Variants in LRRC4C observed in about 807,000 individuals in gnomAD.
LRRC4C encodes the protein leucine-rich repeat-containing protein 4C.
A neutral mutation model predicts 33.6 loss-of-function variants in LRRC4C; 5 were observed. The observed-to-expected ratio is 0.15, with a 90% CI of 0.08 to 0.31. The LOEUF is 0.31. Ranked by LOEUF, LRRC4C falls within the 10% of genes least tolerant of loss-of-function variation. The pLI, the probability that LRRC4C is intolerant of heterozygous loss-of-function variation, is 1.00. For synonymous variants in LRRC4C, 329 were observed against 302.0 expected, an observed-to-expected ratio of 1.09 and a Z score of -0.93; for missense variants, 560 against 796.7, an observed-to-expected ratio of 0.70 and a Z score of 3.58.
At chr11:40,220,013 T>A (rs1864287329) in intron 5 of LRRC4C, among the ~76,000 whole-genome samples, 1 of 152,192 alleles carries the variant, frequency 6.6e-6, no homozygotes, top group Admixed American at 6.6e-5. Flanking sequence ...CTAAGTTAAA[T>A]ATACACAGTG....
At chr11:40,994,434 T>G (rs2137291532) in intron 1 of LRRC4C, among the ~76,000 whole-genome samples, 1 of 152,266 alleles carries the variant, frequency 6.6e-6, no homozygotes, top group South Asian at 2.1e-4. Flanking sequence ...GGAGCTTCAC[T>G]CTGCTAGAGA....
intron 5 of LRRC4C, among the ~76,000 whole-genome samples, chr11:40,169,152 T>A (rs1859840614): frequency 1.3e-5 from 2 of 152,172 alleles, no homozygotes; most frequent in Admixed American, 1.3e-4. Context: ...GTTCTAAGAA[T>A]ATATATTATT....
intron 1 of LRRC4C, among the ~76,000 whole-genome samples, chr11:41,033,669 C>G (rs1033549937): frequency 2.6e-5 from 4 of 152,010 alleles, no homozygotes; most frequent in Non-Finnish European, 5.9e-5. Context: ...TGTTTTAAGA[C>G]CCGGGGAAGC....
intron 3 of LRRC4C, among the ~76,000 whole-genome samples, chr11:40,618,529 A>G (rs545666316): frequency 4.6e-5 from 7 of 151,850 alleles, no homozygotes; most frequent in Non-Finnish European, 3.0e-5. Context: ...AAAAACTAAT[A>G]TACTATGCAA....
At chr11:40,393,050 A>G (rs1176744906) in intron 3 of LRRC4C, among the ~76,000 whole-genome samples, 2 of 152,138 alleles carry the variant, frequency 1.3e-5, no homozygotes, top group Non-Finnish European at 2.9e-5. Flanking sequence ...AGCAGAGCAA[A>G]AAGCCCTCAG....
At chr11:41,299,561 T>C (rs1950230629) in intron 1 of LRRC4C, among the ~76,000 whole-genome samples, 1 of 152,118 alleles carries the variant, frequency 6.6e-6, no homozygotes, top group Non-Finnish European at 1.5e-5. Flanking sequence ...TATAAATACA[T>C]GAATGGGAAA....
rs563463512 is a variant in LRRC4C, at chr11:40,674,628, T to C, written c.-406-26350A>G. ...GTTTTAGGTACTATTATAATACTGG[T>C]TTATAAATCATATGCCTTCTTATTT... On this transcript the variant is annotated intron_variant, in intron 2 of 6. Coordinates refer to ENST00000528697, the MANE Select transcript of LRRC4C (RefSeq NM_001258419.2). Among the ~76,000 whole-genome samples, 9 of 152,280 alleles carry C rather than the reference T, an allele frequency of 5.9e-5. No individual in the cohort carries two copies. In the South Asian group the frequency reaches 1.9e-3, roughly 32 times the overall value.
intron 2 of LRRC4C, among the ~76,000 whole-genome samples, chr11:40,780,743 A>T (rs113043724): frequency 1.3e-5 from 2 of 151,802 alleles, no homozygotes; most frequent in African/African-American, 4.8e-5. Flanking sequence ...GTAAAATAAC[A>T]CTCCATGAAT....
chr11:40,196,975 A>C (rs1477362819), intron 5 of LRRC4C, among the ~76,000 whole-genome samples: 2 of 152,198 alleles, frequency 1.3e-5, no homozygotes, highest in Non-Finnish European at 2.9e-5. Context: ...TGCTAATTGG[A>C]TAATTCAATA....
intron 4 of LRRC4C, among the ~76,000 whole-genome samples, chr11:40,262,755 C>G (rs931576586): frequency 2.0e-5 from 3 of 152,102 alleles, no homozygotes; most frequent in Non-Finnish European, 2.9e-5. Flanking sequence ...ACTGCATGTT[C>G]TCATTCATAA....
chr11:40,698,404 T>G (rs1324175963), intron 2 of LRRC4C, among the ~76,000 whole-genome samples: 1 of 152,190 alleles, frequency 6.6e-6, no homozygotes, highest in Non-Finnish European at 1.5e-5. Context: ...TCATTGTATT[T>G]TGGAGAATAA....
chr11:40,504,921 G>C (rs1954958584), intron 3 of LRRC4C, among the ~76,000 whole-genome samples: 1 of 152,140 alleles, frequency 6.6e-6, no homozygotes, highest in Non-Finnish European at 1.5e-5. Context: ...TTTCAGTCCA[G>C]AATTGTAATC....
At chr11:41,022,983 T>C (rs2137701767) in intron 1 of LRRC4C, among the ~76,000 whole-genome samples, 1 of 152,102 alleles carries the variant, frequency 6.6e-6, no homozygotes, top group Non-Finnish European at 1.5e-5. Flanking sequence ...CAAATCTGTA[T>C]GTAAAAATCC....
Position 41,249,224 on chromosome 11 carries a change from C to T in LRRC4C, c.-496+210207G>A, listed in dbSNP as rs1007730683. ...TAATTTTTTGTATTTTTAGTAGAGACGGGATTTCACCATGTTAGCCAGGAT... is the reference window on the plus strand; with the variant it reads ...TAATTTTTTGTATTTTTAGTAGAGATGGGATTTCACCATGTTAGCCAGGAT... On this transcript the variant is annotated intron_variant, in intron 1 of 6. Coordinates refer to ENST00000528697, the MANE Select transcript of LRRC4C (RefSeq NM_001258419.2). Among the ~76,000 whole-genome samples the T allele has an allele frequency of 2.6e-5, 4 of 152,044 alleles. No individual in the cohort carries two copies. In the East Asian group the frequency reaches 5.8e-4, roughly 22 times the overall value.
chr11:40,212,349 G>A (rs1462173819), intron 5 of LRRC4C, among the ~76,000 whole-genome samples: 2 of 152,012 alleles, frequency 1.3e-5, no homozygotes, highest in African/African-American at 4.8e-5. Flanking sequence ...CTCAATGCTT[G>A]TTGGGGATTT....
chr11:40,472,624 A>G lies in LRRC4C; in HGVS notation c.-269-152903T>C, dbSNP rs1201227508. On this transcript the variant is annotated intron_variant, in intron 3 of 6. Transcript: ENST00000528697. ...ATAACTAAGATCAGAGCAGAACTGA[A>G]GGAGATAGAGACACAAATAACCCCT... Among the ~76,000 whole-genome samples, 3 of 151,946 alleles carry G rather than the reference A, an allele frequency of 2.0e-5. No homozygotes were observed. The East Asian group carries it at 5.9e-4, about 30-fold the overall frequency.
chr11:40,321,115 A>G (rs1220376837), intron 3 of LRRC4C, among the ~76,000 whole-genome samples: 3 of 152,234 alleles, frequency 2.0e-5, no homozygotes, highest in Non-Finnish European at 4.4e-5. Context: ...AGAGAAGTTG[A>G]AATTCTGAAA....
At chr11:40,570,889 G>T (rs992935603) in intron 3 of LRRC4C, among the ~76,000 whole-genome samples, 1 of 152,068 alleles carries the variant, frequency 6.6e-6, no homozygotes, top group Middle Eastern at 3.4e-3. Flanking sequence ...AATAAACAAA[G>T]AAATTAAAAA....
chr11:40,514,217 T>C (rs947274230), intron 3 of LRRC4C, among the ~76,000 whole-genome samples: 8 of 152,154 alleles, frequency 5.3e-5, no homozygotes, highest in Non-Finnish European at 2.9e-5. Context: ...TTCAATACTT[T>C]TATTTAATAA....
Sources: gnomAD v4.1 joint callset for allele counts (sites outside exome capture counted in the v4.1 genomes callset) on GRCh38, gnomAD v4.1.1 for gene constraint, MANE v1.5 for transcripts, NCBI Gene and HGNC (gene_info 2026-07-23, HGNC 2026-07-21) for gene names.